Variants in CCDC141 observed in about 807,000 individuals in gnomAD.
CCDC141 encodes coiled-coil domain-containing protein 141.
Under a neutral mutation model 181.0 loss-of-function variants are expected in CCDC141, and 168 were observed. The ratio of observed to expected loss-of-function variants is 0.93; its 90% confidence interval spans 0.82 to 1.05. The LOEUF is 1.05. CCDC141 is among the 50% of genes least tolerant of loss of function. CCDC141 has a pLI of 0.00. For synonymous variants in CCDC141, 666 were observed against 642.3 expected (o/e 1.04, Z -0.56); for missense variants, 1,902 against 1,788.5 (o/e 1.06, Z -1.14).
chr2:178,923,096 A>ATT (rs757686549), intron 6 of CCDC141, among the ~76,000 whole-genome samples: 1 of 137,822 alleles, frequency 7.3e-6, no homozygotes, highest in Non-Finnish European at 1.6e-5. Context: ...CCACCAGTTT[A>ATT]TTTTTTTTTT....
intron 2 of CCDC141, among the ~76,000 whole-genome samples, chr2:178,981,655 T>TATAC (rs1691409039): frequency 1.2e-4 from 16 of 136,392 alleles, no homozygotes; most frequent in African/African-American, 4.2e-4. Flanking sequence ...TATATATATA[T>TATAC]ATACATACAT....
At chr2:178,836,832 A>C in intron 23 of CCDC141, 62 bp downstream of exon 23, 2 of 1,542,970 alleles carry the variant, frequency 1.3e-6, no homozygotes, top group Non-Finnish European at 1.7e-6. Flanking sequence ...GTGCTCACAG[A>C]ATGATTTTTC....
intron 2 of CCDC141, among the ~76,000 whole-genome samples, chr2:178,999,609 G>T (rs1418857019): frequency 6.6e-6 from 1 of 152,112 alleles, no homozygotes. Context: ...GATCCTCAGT[G>T]CTTGATTCTT....
chr2:178,995,129 C>T (rs576367518), intron 2 of CCDC141, among the ~76,000 whole-genome samples: 8 of 152,322 alleles, frequency 5.3e-5, no homozygotes, highest in South Asian at 4.2e-4. Flanking sequence ...AGCAGCATCC[C>T]GCTCTACGGG....
intron 18 of CCDC141, 57 bp from the exon 19 acceptor site, chr2:178,855,598 G>C: frequency 8.2e-7 from 1 of 1,219,872 alleles, no homozygotes; most frequent in East Asian, 2.5e-5. Flanking sequence ...TATGATGCTA[G>C]TGATTAAATA....
intron 22 of CCDC141, among the ~76,000 whole-genome samples, chr2:178,842,576 G>T (rs1684770938): frequency 6.6e-6 from 1 of 152,158 alleles, no homozygotes; most frequent in South Asian, 2.1e-4. Context: ...TCAACTAAGT[G>T]GGCAGAACCA....
chr2:178,854,918 A>G (rs895820477), intron 19 of CCDC141, among the ~76,000 whole-genome samples: 3 of 152,250 alleles, frequency 2.0e-5, no homozygotes, highest in Non-Finnish European at 4.4e-5. Flanking sequence ...GAAAACACCA[A>G]TAACAACTTT....
chr2:178,975,169 C>A lies in CCDC141; in HGVS notation c.418-4G>T. 7.3e-7 allele frequency: 1 copy of A among 1,369,178 alleles called. No individual in the cohort carries two copies. Among genetic ancestry groups the A allele is most frequent in the South Asian group, 1.4e-5 (1 of 72,440 alleles). The allele number at this position is 1,369,178 out of a possible 1,614,324, so 84.8% of individuals were successfully genotyped here. On this transcript the variant is annotated splice_region_variant and splice_polypyrimidine_tract_variant and intron_variant, in intron 3 of 23. Coordinates refer to ENST00000443758, the MANE Select transcript of CCDC141 (RefSeq NM_173648.4). ...CTTGGTCTATTTTAATAGCAAACTA[C>A]AATAGAAATACAGAGGAAAGACATT... is the stretch of plus-strand genomic sequence containing the variant.
intron 4 of CCDC141, among the ~76,000 whole-genome samples, chr2:178,969,514 T>G (rs1433555223): frequency 2.0e-5 from 3 of 152,000 alleles, no homozygotes; most frequent in African/African-American, 7.2e-5. Context: ...ACAGAACCAA[T>G]GACAAAAAAC....
chr2:178,876,762 A>G (rs1686374119), intron 12 of CCDC141: 1 of 152,190 alleles, frequency 6.6e-6, no homozygotes, highest in African/African-American at 2.4e-5. Context: ...GATGGCTAAT[A>G]TACTAGGTAG....
intron 2 of CCDC141, among the ~76,000 whole-genome samples, chr2:179,025,347 G>A (rs1465931516): frequency 9.2e-5 from 14 of 152,084 alleles, no homozygotes; most frequent in Admixed American, 9.2e-4. Context: ...GAACCCAGTG[G>A]GAAGTGACTG....
chr2:178,982,109 C>A (rs1691443088), intron 2 of CCDC141, among the ~76,000 whole-genome samples: 1 of 152,016 alleles, frequency 6.6e-6, no homozygotes, highest in South Asian at 2.1e-4. Context: ...AATAGGTAAT[C>A]TGAACAAGCC....
intron 17 of CCDC141, among the ~76,000 whole-genome samples, chr2:178,859,871 A>C (rs904429792): frequency 6.6e-6 from 1 of 152,156 alleles, no homozygotes; most frequent in Non-Finnish European, 1.5e-5. Context: ...GCTGATGCCA[A>C]GTGAGGCTGG....
rs761573938 is a variant in CCDC141, at chr2:178,949,105, G to A, written c.781-4454C>T. ...CTTGTTCATCACTGAAGATGCATGC[G>A]GAAAGTTGATACAGGGATGTACCAA... On this transcript the variant is annotated intron_variant, in intron 5 of 23. Transcript: ENST00000443758. 3.3e-5 allele frequency among the ~76,000 whole-genome samples: 5 copies of A among 152,206 alleles called. No homozygotes were observed. The East Asian group carries it at 5.8e-4, about 18-fold the overall frequency.
At chr2:179,047,870 T>C (rs2043550308) in intron 1 of CCDC141, among the ~76,000 whole-genome samples, 1 of 152,222 alleles carries the variant, frequency 6.6e-6, no homozygotes, top group South Asian at 2.1e-4. Flanking sequence ...TTAGTGTCTT[T>C]ACATTGGCCT....
intron 6 of CCDC141, among the ~76,000 whole-genome samples, chr2:178,921,733 C>T (rs1202564522): frequency 3.3e-5 from 5 of 152,122 alleles, no homozygotes; most frequent in Admixed American, 6.5e-5. Context: ...TGGGGAAAAA[C>T]GTTCTATAGC....
At chr2:178,987,336 TA>T (rs1691802319) in intron 2 of CCDC141, among the ~76,000 whole-genome samples, 1 of 152,008 alleles carries the variant, frequency 6.6e-6, no homozygotes, top group South Asian at 2.1e-4. Context: ...ATTAAAGACT[TA>T]AACATTAGAC....
intron 7 of CCDC141, among the ~76,000 whole-genome samples, chr2:178,908,437 C>T (rs1229390213): frequency 6.6e-6 from 1 of 152,170 alleles, no homozygotes; most frequent in Admixed American, 6.5e-5. Context: ...TGTGATCTGC[C>T]TGCGTCGGCC....
Position 178,837,477 on chromosome 2 carries a change from T to C in CCDC141, c.3742A>G (p.Ser1248Gly). The change falls in exon 23 of 24, where the codon AGC becomes GGC. Residue 1248 changes from serine to glycine, a missense_variant. Coordinates refer to ENST00000443758, the MANE Select transcript of CCDC141 (RefSeq NM_173648.4). Reference sequence around the variant, plus strand: ...CTGGTCCCAGCCTGCACCCCATAGCTGCTTATGTGAAGGCTGAGGGAGGAG... The same window carrying C: ...CTGGTCCCAGCCTGCACCCCATAGCCGCTTATGTGAAGGCTGAGGGAGGAG... ...VSSSLSLHIS[S>G]YGVQAGTSSP... The C allele has an allele frequency of 6.2e-7, 1 of 1,614,082 alleles. No individual in the cohort carries two copies. The highest frequency in any genetic ancestry group is 8.5e-7 in the Non-Finnish European group (1 of 1,179,970).
Sources: allele counts gnomAD v4.1 joint callset (sites outside exome capture counted in the v4.1 genomes callset), GRCh38; gene constraint gnomAD v4.1.1; transcripts MANE v1.5; gene names NCBI Gene and HGNC (gene_info 2026-07-23, HGNC 2026-07-21).